ANO3: variants seen among roughly 807,000 people sequenced by gnomAD.
ANO3 encodes anoctamin-3.
In ANO3, 99 loss-of-function variants were observed where a neutral mutation model predicts 144.8. The ratio of observed to expected loss-of-function variants is 0.68; its 90% confidence interval spans 0.58 to 0.81. ANO3 has a LOEUF of 0.81. ANO3 is among the 30% of genes least tolerant of loss of function. The pLI is 0.00. For synonymous variants in ANO3, 414 were observed against 392.6 expected (o/e 1.05, Z -0.64); for missense variants, 905 against 1,202.2 (o/e 0.75, Z 3.66).
At chr11:26,556,580 G>A (rs1850088634) in intron 13 of ANO3, among the ~76,000 whole-genome samples, 1 of 152,094 alleles carries the variant, frequency 6.6e-6, no homozygotes. Flanking sequence ...CAAGGGTGAG[G>A]CCTCAAACTC....
At chr11:26,401,613 G>T (rs1435603812) in intron 1 of ANO3, among the ~76,000 whole-genome samples, 4 of 151,986 alleles carry the variant, frequency 2.6e-5, no homozygotes, top group Non-Finnish European at 5.9e-5. Flanking sequence ...TGTGGCTCAT[G>T]CCTGTAATCC....
At chr11:26,380,209 T>C (rs946280773) in intron 1 of ANO3, among the ~76,000 whole-genome samples, 1 of 152,084 alleles carries the variant, frequency 6.6e-6, no homozygotes. Flanking sequence ...ATTAAAATAA[T>C]GCCTGGAACA....
At chr11:26,598,772 A>G in intron 15 of ANO3, 86 bp from the exon 16 acceptor site, 1 of 1,402,906 alleles carries the variant, frequency 7.1e-7, no homozygotes, top group African/African-American at 1.5e-5. Context: ...AAGTAGGCCA[A>G]ATTTAGGAGT....
rs10835040 is a variant in ANO3, at chr11:26,641,847, A to G, written c.2142-49A>G. On this transcript the variant is annotated intron_variant, in intron 21 of 26. Coordinates refer to ENST00000256737, the MANE Select transcript of ANO3 (RefSeq NM_031418.4). ...CTTAATTCACTATACATTGTTAACC[A>G]GATGCTTGAATCAGAGCTCAAAAGT... 0.44 allele frequency: 690,957 copies of G among 1,572,620 alleles called. 155,856 individuals are homozygous for G. The highest frequency in any genetic ancestry group is 0.49 in the South Asian group (40,538 of 83,000).
At chr11:26,450,276 T>C (rs1186110454) in intron 3 of ANO3, among the ~76,000 whole-genome samples, 1 of 151,998 alleles carries the variant, frequency 6.6e-6, no homozygotes, top group African/African-American at 2.4e-5. Context: ...AGATGGTGAG[T>C]AGAAAACACT....
chr11:26,237,122 G>A (rs1357069217), intron 1 of ANO3, among the ~76,000 whole-genome samples: 1 of 152,012 alleles, frequency 6.6e-6, no homozygotes, highest in Admixed American at 6.6e-5. Context: ...AACTCCCGGA[G>A]TATTGTCAAT....
intron 14 of ANO3, among the ~76,000 whole-genome samples, chr11:26,595,533 C>G (rs1468830493): frequency 7.4e-6 from 1 of 134,628 alleles, no homozygotes; most frequent in African/African-American, 2.8e-5. Context: ...ACAGCTCACA[C>G]GTTTGAGCAG....
At chr11:26,396,069 C>T (rs953937435) in intron 1 of ANO3, among the ~76,000 whole-genome samples, 2 of 151,946 alleles carry the variant, frequency 1.3e-5, no homozygotes, top group Non-Finnish European at 2.9e-5. Flanking sequence ...ATATCCAGAA[C>T]TACAAAGAAC....
chr11:26,410,128 G>A (rs554452744), intron 1 of ANO3, among the ~76,000 whole-genome samples: 3 of 152,042 alleles, frequency 2.0e-5, no homozygotes, highest in South Asian at 2.1e-4. Flanking sequence ...ACAGTCACTC[G>A]ATAAGTATGC....
intron 1 of ANO3, among the ~76,000 whole-genome samples, chr11:26,273,562 T>C (rs1564943700): frequency 2.0e-5 from 3 of 151,858 alleles, no homozygotes; most frequent in Non-Finnish European, 4.4e-5. Context: ...TGAGCATGGA[T>C]GTTTTGCATG....
At chr11:26,429,661 C>T (rs1222855203) in intron 1 of ANO3, among the ~76,000 whole-genome samples, 1 of 152,000 alleles carries the variant, frequency 6.6e-6, no homozygotes, top group Non-Finnish European at 1.5e-5. Flanking sequence ...AGGAGTCATA[C>T]ATAAAAAAGT....
chr11:26,472,885 C>T (rs147323503), intron 4 of ANO3, among the ~76,000 whole-genome samples: 32 of 151,950 alleles, frequency 2.1e-4, no homozygotes, highest in Non-Finnish European at 3.4e-4. Flanking sequence ...AAAATACCTA[C>T]AGAATAAAGC....
intron 18 of ANO3, 97 bp from the exon 19 acceptor site, chr11:26,634,107 A>T: frequency 1.7e-6 from 1 of 602,732 alleles, no homozygotes; most frequent in Non-Finnish European, 2.8e-6. Flanking sequence ...AATTAAATTA[A>T]AAAGACAAAC....
chr11:26,255,745 C>G (rs1853042381), intron 1 of ANO3, among the ~76,000 whole-genome samples: 1 of 152,068 alleles, frequency 6.6e-6, no homozygotes, highest in South Asian at 2.1e-4. Context: ...TTTGTTTATA[C>G]ATTAATCTTT....
In ANO3 at chr11:26,599,578, G is replaced by A. The variant is rs1851733981; in HGVS notation, c.1700G>A (p.Gly567Glu). 6.2e-7 allele frequency: 1 copy of A among 1,613,924 alleles called. No homozygotes were observed. The highest frequency in any genetic ancestry group is 8.5e-7 in the Non-Finnish European group (1 of 1,179,962). ...MISLVITAVF[G>E]VVVYRLVVME... ...TCCTTGGTGATCACTGCAGTGTTTG[G>A]AGTTGTGGTGTACCGCCTGGTTGTC... The change falls in exon 17 of 27, where the codon GGA (glycine) becomes GAA (glutamate). Residue 567 changes from glycine to glutamate, a missense_variant. Gly to Glu is a moderately conservative substitution (Grantham distance 98). Transcript: ENST00000256737.
In ANO3 at chr11:26,499,308, C is replaced by A. The variant is rs909689213; in HGVS notation, c.433-8796C>A. Among the ~76,000 whole-genome samples the A allele has an allele frequency of 3.5e-4, 53 of 151,422 alleles. 1 individual carries two copies. Among genetic ancestry groups the A allele is most frequent in the Admixed American group, 3.2e-3 (48 of 15,194 alleles). On this transcript the variant is annotated intron_variant, in intron 4 of 26. Coordinates refer to ENST00000256737, the MANE Select transcript of ANO3 (RefSeq NM_031418.4). Reference sequence around the variant, plus strand: ...TTTTATTTGAATGTAATTGCATGTACCAGCTTTTTTTTTATAACTGGTGCT... The same window carrying A: ...TTTTATTTGAATGTAATTGCATGTAACAGCTTTTTTTTTATAACTGGTGCT...
intron 1 of ANO3, among the ~76,000 whole-genome samples, chr11:26,217,236 A>G (rs1852052270): frequency 6.6e-6 from 1 of 152,022 alleles, no homozygotes; most frequent in East Asian, 1.9e-4. Context: ...TTAATTTTTG[A>G]GACAAAGATA....
intron 24 of ANO3, among the ~76,000 whole-genome samples, chr11:26,651,434 C>A (rs1853528806): frequency 6.6e-6 from 1 of 152,096 alleles, no homozygotes; most frequent in Admixed American, 6.6e-5. Context: ...TCAACCAAAA[C>A]AACATATTGC....
chr11:26,254,988 A>G (rs1298114280), intron 1 of ANO3, among the ~76,000 whole-genome samples: 3 of 152,150 alleles, frequency 2.0e-5, no homozygotes, highest in Non-Finnish European at 4.4e-5. Context: ...TGAGTGACAG[A>G]CCCGGAATTC....
Sources: allele counts gnomAD v4.1 joint callset (sites outside exome capture counted in the v4.1 genomes callset), GRCh38; gene constraint gnomAD v4.1.1; transcripts MANE v1.5; gene names NCBI Gene and HGNC (gene_info 2026-07-23, HGNC 2026-07-21).